Variants in FHL5 observed in about 807,000 individuals in gnomAD.
FHL5 encodes four and a half LIM domains protein 5.
Under a neutral mutation model 32.0 loss-of-function variants are expected in FHL5, and 33 were observed. The ratio of observed to expected loss-of-function variants is 1.03; its 90% confidence interval spans 0.78 to 1.38. The LOEUF (loss-of-function observed/expected upper bound fraction) is 1.38. Ranked by LOEUF, FHL5 falls within the 40% of genes most tolerant of loss-of-function variation. FHL5 has a pLI of 0.00. For missense variants in FHL5, 336 were observed against 343.9 expected, an observed-to-expected ratio of 0.98 and a Z score of 0.18; for synonymous variants, 114 against 113.6, an observed-to-expected ratio of 1.00 and a Z score of -0.02.
At chr6:96,615,576 A>T (rs1437885476) in intron 5 of FHL5, 33 bp from the exon 6 acceptor site, 2 of 1,559,158 alleles carry the variant, frequency 1.3e-6, no homozygotes, top group African/African-American at 2.7e-5. Flanking sequence ...CCTTGAAAGG[A>T]TAGATTAATC....
intron 5 of FHL5, among the ~76,000 whole-genome samples, chr6:96,612,112 C>T (rs920717407): frequency 6.6e-6 from 1 of 152,214 alleles, no homozygotes; most frequent in African/African-American, 2.4e-5. Flanking sequence ...GCTAGATCAC[C>T]TCCCTGGCCC....
intron 1 of FHL5, among the ~76,000 whole-genome samples, chr6:96,594,227 TTATATATATATATATATATATA>T (rs1178680000): frequency 0.017 from 1,155 of 66,894 alleles, 78 homozygotes; most frequent in Admixed American, 0.12. Context: ...ATATTAGAAT[TTATATATATATATATATATATA>T]TATATATATA....
chr6:96,580,199 G>A (rs565630388), intron 1 of FHL5, among the ~76,000 whole-genome samples: 3 of 152,126 alleles, frequency 2.0e-5, no homozygotes, highest in Admixed American at 1.3e-4. Flanking sequence ...GCTGCAGCAT[G>A]TTTTCTTGGC....
intron 1 of FHL5, among the ~76,000 whole-genome samples, chr6:96,585,116 G>C (rs1770772246): frequency 6.6e-6 from 1 of 152,094 alleles, no homozygotes; most frequent in Non-Finnish European, 1.5e-5. Context: ...ATGACCACAG[G>C]TAAATCCAGT....
In FHL5 at chr6:96,616,937, C is replaced by A. The variant is rs57425973; in HGVS notation, c.*1165C>A. On this transcript the variant is annotated 3_prime_UTR_variant, in exon 6 of 6. Coordinates refer to ENST00000450218, the MANE Select transcript of FHL5 (RefSeq NM_001322466.2). ...CTTCCCCCACACCTGTGCCACACCC[C>A]CCTTACCCCAAGCCAGTTGTGCCCC... Among the ~76,000 whole-genome samples the A allele has an allele frequency of 0.48, 72,175 of 151,510 alleles. 17,700 individuals are homozygous for A. The highest frequency in any genetic ancestry group is 0.6 in the African/African-American group (24,667 of 41,238).
chr6:96,564,180 A>G (rs1770304936), intron 1 of FHL5, among the ~76,000 whole-genome samples: 1 of 152,210 alleles, frequency 6.6e-6, no homozygotes, highest in Admixed American at 6.5e-5. Context: ...GCTCTCATAC[A>G]TAAAATGTAA....
chr6:96,602,426 C>CTTTTTTTTT lies in FHL5; in HGVS notation c.-12-1146_-12-1138dup, dbSNP rs1168636713. On this transcript the variant is annotated intron_variant, in intron 1 of 5. Transcript: ENST00000450218. ...ACCTGGAAATCTATATGCGTTGTTT[C>CTTTTTTTTT]TTTTTTTTTTTTTTTTTTTTTTTTT... Among the ~76,000 whole-genome samples the CTTTTTTTTT allele has an allele frequency of 9.8e-3, 330 of 33,698 alleles. 121 individuals carry two copies. Among genetic ancestry groups the CTTTTTTTTT allele is most frequent in the Non-Finnish European group, 0.014 (222 of 15,328 alleles). The allele number at this position is 33,698 out of a possible 152,430, so 22.1% of individuals were successfully genotyped here.
intron 1 of FHL5, among the ~76,000 whole-genome samples, chr6:96,567,548 T>A (rs528793202): frequency 2.0e-5 from 3 of 152,050 alleles, no homozygotes; most frequent in Admixed American, 1.3e-4. Flanking sequence ...TTGATAACAT[T>A]GCATTGAATT....
At chr6:96,583,801 T>C (rs946803974) in intron 1 of FHL5, among the ~76,000 whole-genome samples, 1 of 152,160 alleles carries the variant, frequency 6.6e-6, no homozygotes, top group Admixed American at 6.5e-5. Context: ...TTAACTTTTA[T>C]TCCCTAGCTG....
chr6:96,596,349 A>G (rs113292035), intron 1 of FHL5, among the ~76,000 whole-genome samples: 5,742 of 152,082 alleles, frequency 0.038, 140 homozygotes, highest in African/African-American at 0.052. Flanking sequence ...TGAACATGCA[A>G]TTTTCTAAGC....
In FHL5 at chr6:96,575,795, G is replaced by A. The variant is rs115015804; in HGVS notation, c.-13+12440G>A. On this transcript the variant is annotated intron_variant, in intron 1 of 5. Coordinates refer to ENST00000450218, the MANE Select transcript of FHL5 (RefSeq NM_001322466.2). Reference sequence around the variant, plus strand: ...TAAATTTAGGATGTCAGTGAAAATTGTTGAAATACCAAGAGAGACTTTTAG... The same window carrying A: ...TAAATTTAGGATGTCAGTGAAAATTATTGAAATACCAAGAGAGACTTTTAG... Among the ~76,000 whole-genome samples, 594 of 152,172 alleles carry A rather than the reference G, an allele frequency of 3.9e-3. 6 individuals are homozygous for A. The highest frequency in any genetic ancestry group is 0.013 in the African/African-American group (560 of 41,552).
chr6:96,614,800 G>T (rs1169040323), intron 5 of FHL5, among the ~76,000 whole-genome samples: 1 of 152,190 alleles, frequency 6.6e-6, no homozygotes, highest in Non-Finnish European at 1.5e-5. Flanking sequence ...TAAGGAGACA[G>T]AGATCAGACC....
chr6:96,588,191 C>T (rs906414097), intron 1 of FHL5, among the ~76,000 whole-genome samples: 9 of 152,168 alleles, frequency 5.9e-5, no homozygotes, highest in East Asian at 1.9e-4. Flanking sequence ...ATTTTCAACA[C>T]GTAAGAGTTC....
chr6:96,611,057 C>G (rs1401690235), intron 5 of FHL5, among the ~76,000 whole-genome samples: 1 of 152,172 alleles, frequency 6.6e-6, no homozygotes, highest in Non-Finnish European at 1.5e-5. Flanking sequence ...GAGGTTAGTG[C>G]AGGCCTTCAC....
At chr6:96,575,738 C>A (rs540756582) in intron 1 of FHL5, among the ~76,000 whole-genome samples, 9 of 152,102 alleles carry the variant, frequency 5.9e-5, no homozygotes, top group Non-Finnish European at 1.0e-4. Flanking sequence ...CTCTTACGAT[C>A]TTTAACTCAA....
chr6:96,592,525 G>A (rs1770943094), intron 1 of FHL5, among the ~76,000 whole-genome samples: 1 of 152,102 alleles, frequency 6.6e-6, no homozygotes, highest in Non-Finnish European at 1.5e-5. Flanking sequence ...ACAGGGTCCT[G>A]AGGCAACATA....
At chr6:96,587,695 G>A (rs1007860212) in intron 1 of FHL5, among the ~76,000 whole-genome samples, 5 of 152,064 alleles carry the variant, frequency 3.3e-5, no homozygotes, top group Non-Finnish European at 1.5e-5. Flanking sequence ...TAATAACTAT[G>A]AAAATTAGAT....
At chr6:96,607,784 A>T (rs1252495499) in intron 4 of FHL5, among the ~76,000 whole-genome samples, 1 of 151,862 alleles carries the variant, frequency 6.6e-6, no homozygotes, top group African/African-American at 2.4e-5. Context: ...GGAGTTCAAG[A>T]CCAGCCTGGG....
At position 96,616,660 on chromosome 6, in the gene FHL5, G is replaced by T. The variant is rs1401455915; in HGVS notation, c.*888G>T. 5.9e-5 allele frequency: 9 copies of T among 152,162 alleles called. No individual in the cohort carries two copies. In the East Asian group the frequency reaches 1.7e-3, roughly 29 times the overall value. The allele number at this position is 152,162 out of a possible 1,614,324, so 9.4% of individuals were successfully genotyped here. The stretch of plus-strand genomic sequence containing the variant: ...TTCACTTGTGGAAATGAGTTTTAGG[G>T]AAGGGATTGAGTCTTGGAACATGAC... On this transcript the variant is annotated 3_prime_UTR_variant, in exon 6 of 6. Transcript: ENST00000450218.
Sources: allele counts gnomAD v4.1 joint callset (sites outside exome capture counted in the v4.1 genomes callset), GRCh38; gene constraint gnomAD v4.1.1; transcripts MANE v1.5; gene names NCBI Gene and HGNC (gene_info 2026-07-23, HGNC 2026-07-21).